The following IL33 variants were observed in gnomAD, a reference collection of about 807,000 sequenced individuals.
The protein encoded by IL33 is interleukin 33.
In IL33, 37 loss-of-function variants were observed where a neutral mutation model predicts 27.3. The ratio of observed to expected loss-of-function variants is 1.36; its 90% CI spans 1.04 to 1.78. The LOEUF is 1.78. IL33 is among the 40% of genes most tolerant of loss of function. IL33 has a pLI of 0.00. For synonymous variants in IL33, 132 were observed against 102.9 expected, an observed-to-expected ratio of 1.28 and a Z score of -1.71; for missense variants, 406 against 311.4, an observed-to-expected ratio of 1.30 and a Z score of -2.29.
rs777868263 is a variant in IL33, at chr9:6,252,865, G to C, written c.344-1G>C. 2 of 1,598,220 alleles carry C rather than the reference G, an allele frequency of 1.3e-6. No homozygotes were observed. Among genetic ancestry groups the C allele is most frequent in the African/African-American group, 1.4e-5 (1 of 74,018 alleles). The stretch of plus-strand genomic sequence containing the variant: ...ACAAATTTTTGAATTCTTAACAACA[G>C]GAATTTCACCTATTACAGAGTATCT... On this transcript the variant is annotated splice_acceptor_variant, in intron 4 of 7. Transcript: ENST00000682010. LOFTEE classifies it high-confidence loss of function.
intron 1 of IL33, among the ~76,000 whole-genome samples, chr9:6,218,010 C>T (rs1818222274): frequency 6.6e-6 from 1 of 152,204 alleles, no homozygotes; most frequent in African/African-American, 2.4e-5. Flanking sequence ...TAATGCTCCT[C>T]TTTTGATTTC....
chr9:6,218,090 T>C (rs932466194), intron 1 of IL33, among the ~76,000 whole-genome samples: 2 of 152,208 alleles, frequency 1.3e-5, no homozygotes, highest in African/African-American at 4.8e-5. Flanking sequence ...TTTAGGGTGA[T>C]TGAACTGAAT....
intron 1 of IL33, among the ~76,000 whole-genome samples, chr9:6,225,797 A>T (rs1818598097): frequency 6.6e-6 from 1 of 152,086 alleles, no homozygotes; most frequent in South Asian, 2.1e-4. Context: ...ATCACAGCTA[A>T]CTATAGCCTG....
chr9:6,234,147 G>A (rs1819066408), intron 1 of IL33, among the ~76,000 whole-genome samples: 1 of 152,114 alleles, frequency 6.6e-6, no homozygotes, highest in Non-Finnish European at 1.5e-5. Context: ...TCTTCTTACA[G>A]CTTTCTCTTC....
intron 2 of IL33, among the ~76,000 whole-genome samples, chr9:6,245,454 G>A (rs1466258406): frequency 6.6e-6 from 1 of 152,140 alleles, no homozygotes; most frequent in Non-Finnish European, 1.5e-5. Context: ...GTAGACAGTA[G>A]GGAATCATTG....
intron 1 of IL33, among the ~76,000 whole-genome samples, chr9:6,219,568 A>C (rs759688835): frequency 3.3e-5 from 5 of 152,182 alleles, no homozygotes; most frequent in Admixed American, 6.5e-5. Flanking sequence ...CCAGTCCATC[A>C]TCCATCATTG....
At position 6,251,223 on chromosome 9, in the gene IL33, G is replaced by C. The variant is rs757711069; in HGVS notation, c.301G>C (p.Val101Leu). ...GTGCTTTGCCTTTGGTATATCAGGG[G>C]TCCAGAAATATACTAGAGCACTTCA... ...VECFAFGISG[V>L]QKYTRALHDS... is the part of the protein sequence containing the mutation. The change falls in exon 4 of 8, where the codon GTC becomes CTC. Residue 101 changes from valine to leucine, a missense_variant. Coordinates refer to ENST00000682010, the MANE Select transcript of IL33 (RefSeq NM_033439.4). The C allele has an allele frequency of 3.1e-6, 5 of 1,613,930 alleles. No homozygotes were observed. The highest frequency in any genetic ancestry group is 4.2e-6 in the Non-Finnish European group (5 of 1,179,858).
intron 1 of IL33, among the ~76,000 whole-genome samples, chr9:6,222,846 G>C (rs1013450890): frequency 6.6e-6 from 1 of 151,992 alleles, no homozygotes; most frequent in Non-Finnish European, 1.5e-5. Context: ...ATTTGTTCCT[G>C]GAGAATAGGG....
At chr9:6,244,034 C>T (rs1316955167) in intron 2 of IL33, among the ~76,000 whole-genome samples, 4 of 152,130 alleles carry the variant, frequency 2.6e-5, no homozygotes, top group Admixed American at 2.6e-4. Context: ...ACTTTGCATC[C>T]CTAAATTGCC....
At chr9:6,246,167 G>A (rs1819838883) in intron 2 of IL33, among the ~76,000 whole-genome samples, 1 of 150,546 alleles carries the variant, frequency 6.6e-6, no homozygotes, top group South Asian at 2.1e-4. Flanking sequence ...AATATATTGG[G>A]GGCAGAAAAA....
chr9:6,218,898 C>CCA (rs1424763785), intron 1 of IL33, among the ~76,000 whole-genome samples: 6 of 31,428 alleles, frequency 1.9e-4, no homozygotes, highest in Non-Finnish European at 1.7e-4. Context: ...TATATGTTCT[C>CCA]CATATATATA....
In IL33 at chr9:6,257,912, A is replaced by G. The variant is rs1175896880; in HGVS notation, c.*1744A>G. 3 of 132,944 alleles carry G rather than the reference A, an allele frequency of 2.3e-5. No homozygotes were observed. Among genetic ancestry groups the G allele is most frequent in the African/African-American group, 7.6e-5 (3 of 39,454 alleles). The allele number at this position is 132,944 out of a possible 1,614,324, so 8.2% of individuals were successfully genotyped here. A position where few individuals can be genotyped will look rare whatever the true frequency, so the allele number is the denominator to read the frequency against. On this transcript the variant is annotated 3_prime_UTR_variant, in exon 8 of 8. Coordinates refer to ENST00000682010, the MANE Select transcript of IL33 (RefSeq NM_033439.4). The stretch of plus-strand genomic sequence containing the variant: ...TGTGCATCTGTACAATAAACTTAAA[A>G]TGATTATTAAATAATCAAATATATC...
intron 1 of IL33, among the ~76,000 whole-genome samples, chr9:6,235,943 A>G (rs997183059): frequency 6.6e-6 from 1 of 151,938 alleles, no homozygotes; most frequent in African/African-American, 2.4e-5. Flanking sequence ...TTCCACTACT[A>G]GGAGTTTATG....
chr9:6,254,579 C>CTA (rs1296616434), intron 7 of IL33, 26 bp downstream of exon 7: 1 of 1,331,864 alleles, frequency 7.5e-7, no homozygotes, highest in Non-Finnish European at 1.0e-6. Context: ...TTATCTATAT[C>CTA]TATATATATG....
At chr9:6,245,870 G>C (rs1266057632) in intron 2 of IL33, among the ~76,000 whole-genome samples, 1 of 151,656 alleles carries the variant, frequency 6.6e-6, no homozygotes, top group African/African-American at 2.4e-5. Flanking sequence ...AGATCATCCT[G>C]GTTAACACGG....
At chr9:6,220,821 A>G (rs1448936129) in intron 1 of IL33, among the ~76,000 whole-genome samples, 2 of 152,160 alleles carry the variant, frequency 1.3e-5, no homozygotes, top group African/African-American at 4.8e-5. Context: ...TAGCTCGATC[A>G]CAACTCACTG....
At chr9:6,242,056 T>C (rs1339714427) in intron 2 of IL33, 1 of 209,646 alleles carries the variant, frequency 4.8e-6, no homozygotes, top group Non-Finnish European at 9.6e-6. Context: ...ATTATAGCCT[T>C]TTATATCAAC....
At position 6,256,130 on chromosome 9, in the gene IL33, T is replaced by C; in HGVS notation, c.775T>C (p.Cys259Arg). 1.2e-6 allele frequency: 2 copies of C among 1,613,496 alleles called. No individual in the cohort carries two copies. Among genetic ancestry groups the C allele is most frequent in the Non-Finnish European group, 1.7e-6 (2 of 1,179,582 alleles). ...LIKVDSSENL[C>R]TENILFKLSE... The stretch of plus-strand genomic sequence containing the variant: ...TAAAGTAGACTCTTCTGAGAATTTG[T>C]GTACTGAAAATATCTTGTTTAAGCT... Residue 259 changes from cysteine (C) to arginine (R), a missense_variant, in exon 8 of 8, where the codon TGT becomes CGT. Coordinates refer to ENST00000682010, the MANE Select transcript of IL33 (RefSeq NM_033439.4).
intron 1 of IL33, among the ~76,000 whole-genome samples, chr9:6,229,965 C>A (rs1441600393): frequency 6.6e-6 from 1 of 152,054 alleles, no homozygotes; most frequent in African/African-American, 2.4e-5. Flanking sequence ...TGAGGTAGCA[C>A]TAGCAAGAGG....
Sources: gnomAD v4.1 joint callset for allele counts (sites outside exome capture counted in the v4.1 genomes callset) on GRCh38, gnomAD v4.1.1 for gene constraint, MANE v1.5 for transcripts, NCBI Gene and HGNC (gene_info 2026-07-23, HGNC 2026-07-21) for gene names.